ABCC5: variants seen among roughly 807,000 people sequenced by gnomAD.
ABCC5 encodes ATP-binding cassette sub-family C member 5.
A neutral mutation model predicts 160.9 loss-of-function variants in ABCC5; 61 were observed. That is an observed-to-expected ratio of 0.38 (90% CI 0.31 to 0.47). The LOEUF (loss-of-function observed/expected upper bound fraction) is 0.47, where lower values mean the gene tolerates loss of function less well. ABCC5 is among the 20% of genes least tolerant of loss of function. The probability of loss-of-function intolerance (pLI) is 0.99; values close to 1 mark genes in which losing one functional copy is unlikely to be tolerated. For synonymous variants in ABCC5, 666 were observed against 700.6 expected, an observed-to-expected ratio of 0.95 and a Z score of 0.78; for missense variants, 1,308 against 1,813.3, an observed-to-expected ratio of 0.72 and a Z score of 5.06.
chr3:184,009,473 C>A (rs909521317), intron 2 of ABCC5, among the ~76,000 whole-genome samples: 4 of 152,124 alleles, frequency 2.6e-5, no homozygotes, highest in African/African-American at 9.7e-5. Context: ...TTCTGCTTCC[C>A]AACTACTTAC....
intron 26 of ABCC5, among the ~76,000 whole-genome samples, chr3:183,931,637 G>A (rs1471917977): frequency 1.3e-5 from 2 of 152,100 alleles, no homozygotes; most frequent in East Asian, 3.8e-4. Context: ...CCCAGCCCAG[G>A]CTTAACATTC....
At chr3:183,944,066 C>G (rs554936561) in intron 24 of ABCC5, among the ~76,000 whole-genome samples, 2 of 152,314 alleles carry the variant, frequency 1.3e-5, no homozygotes, top group East Asian at 3.9e-4. Flanking sequence ...ATTAGAGAAT[C>G]CAGTTTACGT....
Position 184,010,798 on chromosome 3 carries a change from C to CT in ABCC5, c.129+3465dup, listed in dbSNP as rs55882083. 4.2e-3 allele frequency among the ~76,000 whole-genome samples: 573 copies of CT among 136,598 alleles called. 16 individuals are homozygous for CT. Among genetic ancestry groups the CT allele is most frequent in the African/African-American group, 9.0e-3 (330 of 36,776 alleles). The allele number at this position is 136,598 out of a possible 152,430, so 89.6% of individuals were successfully genotyped here. On this transcript the variant is annotated intron_variant, in intron 2 of 29. Coordinates refer to ENST00000334444, the MANE Select transcript of ABCC5 (RefSeq NM_005688.4). ...CTTCAAAATCAAAATCATTCTTCTTCTTTTTTTTTTTTTTTTGGAGATGGA... is the reference window on the plus strand; with the variant it reads ...CTTCAAAATCAAAATCATTCTTCTTCTTTTTTTTTTTTTTTTTGGAGATGGA...
intron 29 of ABCC5, among the ~76,000 whole-genome samples, chr3:183,923,996 A>G (rs1259851608): frequency 4.1e-5 from 4 of 98,748 alleles, no homozygotes; most frequent in Non-Finnish European, 8.0e-5. Flanking sequence ...AATCCCACCA[A>G]TTTTTACTGT....
At chr3:183,939,217 G>A (rs1475868565) in intron 25 of ABCC5, among the ~76,000 whole-genome samples, 2 of 152,214 alleles carry the variant, frequency 1.3e-5, no homozygotes, top group Non-Finnish European at 2.9e-5. Context: ...CAGATCACCT[G>A]AGGTCAGGAG....
At chr3:183,938,741 G>C (rs1295100656) in intron 25 of ABCC5, among the ~76,000 whole-genome samples, 1 of 152,224 alleles carries the variant, frequency 6.6e-6, no homozygotes, top group African/African-American at 2.4e-5. Flanking sequence ...CAGAGGACAA[G>C]ATGTCTTTTT....
chr3:183,942,056 T>TC (rs1714407916), intron 25 of ABCC5, among the ~76,000 whole-genome samples: 1 of 152,170 alleles, frequency 6.6e-6, no homozygotes, highest in Admixed American at 6.5e-5. Flanking sequence ...TCTTTTTTTT[T>TC]TGAGACGGAG....
chr3:183,953,653 G>A (rs1715596981), intron 17 of ABCC5, among the ~76,000 whole-genome samples: 1 of 152,178 alleles, frequency 6.6e-6, no homozygotes, highest in South Asian at 2.1e-4. Context: ...GACCTATTTG[G>A]CTTAGGTGTG....
chr3:183,987,730 G>A lies in ABCC5; in HGVS notation c.591+40C>T, dbSNP rs560388688. On this transcript the variant is annotated intron_variant, in intron 5 of 29. Transcript: ENST00000334444. The surrounding 1 kb of genome is among the most constrained non-coding windows in gnomAD (Gnocchi z 4.2). ...AAGAGTGTTAGAGCTGGCCGTGGCC[G>A]GGCCCCTGGAGACTGTCGGAAAGGA... 145 of 1,613,704 alleles carry A rather than the reference G, an allele frequency of 9.0e-5. 3 individuals carry two copies. In the South Asian group the frequency reaches 1.5e-3, roughly 16 times the overall value.
chr3:183,957,325 C>T (rs1716161481), intron 17 of ABCC5, among the ~76,000 whole-genome samples: 1 of 114,186 alleles, frequency 8.8e-6, no homozygotes, highest in Non-Finnish European at 1.9e-5. Context: ...ACATCGGTTA[C>T]ATGCGGGTCC....
intron 2 of ABCC5, among the ~76,000 whole-genome samples, chr3:184,012,193 T>G (rs374887601): frequency 2.0e-5 from 3 of 152,184 alleles, no homozygotes; most frequent in Non-Finnish European, 2.9e-5. Context: ...ATCTCTATAT[T>G]ATTTTTTATA....
Position 183,965,225 on chromosome 3 carries a change from C to T in ABCC5, c.1991G>A (p.Arg664Lys). ...GCTGGGAAGAATGGCCAGGTCAGGC[C>T]TCAGGCAGCAGCTGTTCAGCACAGA... ...YNSVLNSCCL[R>K]PDLAILPSSD... The change falls in exon 14 of 30, where the codon AGG (arginine) becomes AAG (lysine). Residue 664 changes from arginine to lysine, a missense_variant. Coordinates refer to ENST00000334444, the MANE Select transcript of ABCC5 (RefSeq NM_005688.4). The T allele has an allele frequency of 1.9e-6, 3 of 1,614,198 alleles. No homozygotes were observed. Among genetic ancestry groups the T allele is most frequent in the Non-Finnish European group, 2.5e-6 (3 of 1,180,034 alleles).
At chr3:183,998,047 G>A (rs971820141) in intron 2 of ABCC5, among the ~76,000 whole-genome samples, 8 of 151,964 alleles carry the variant, frequency 5.3e-5, no homozygotes, top group African/African-American at 1.2e-4. Flanking sequence ...TCTTGGCTTC[G>A]GAAAGTGCTG....
In ABCC5 at chr3:183,988,174, T is replaced by C. The variant is rs1456112404; in HGVS notation, c.444-257A>G. On this transcript the variant is annotated intron_variant, in intron 4 of 29. Coordinates refer to ENST00000334444, the MANE Select transcript of ABCC5 (RefSeq NM_005688.4). This position sits in a 1 kb window ranked among gnomAD's most constrained non-coding sequence, Gnocchi z 4.4. ...CCTTTCTTTCCACCCAGGAAAATGA[T>C]CCCTGAATGCAATTTGTGAATAAGA... 6.6e-6 allele frequency among the ~76,000 whole-genome samples: 1 copy of C among 152,210 alleles called. No individual in the cohort carries two copies. The highest frequency in any genetic ancestry group is 1.5e-5 in the Non-Finnish European group (1 of 68,030).
At chr3:183,970,375 A>C (rs888689107) in intron 11 of ABCC5, among the ~76,000 whole-genome samples, 9 of 151,284 alleles carry the variant, frequency 5.9e-5, no homozygotes, top group Non-Finnish European at 1.2e-4. Context: ...GCATTCCCTC[A>C]GGCAGCCTAT....
At chr3:183,945,738 TTAGA>T (rs1714778816) in intron 24 of ABCC5, 108 bp downstream of exon 24, 2 of 804,460 alleles carry the variant, frequency 2.5e-6, no homozygotes, top group Admixed American at 3.5e-5. Flanking sequence ...TTCTGTGGGA[TTAGA>T]TAGGCAGAGA....
At chr3:183,953,365 G>T in intron 17 of ABCC5, 95 bp from the exon 18 acceptor site, 1 of 1,101,368 alleles carries the variant, frequency 9.1e-7, no homozygotes. Context: ...ACAACCGGCA[G>T]CTTCACAGGG....
intron 29 of ABCC5, 88 bp downstream of exon 29, chr3:183,925,466 AC>A: frequency 1.4e-6 from 2 of 1,420,228 alleles, no homozygotes; most frequent in South Asian, 2.6e-5. Flanking sequence ...AATGCCCAGA[AC>A]CCTACAAAGA....
At chr3:183,965,302 A>G (rs1323331412) in intron 13 of ABCC5, 45 bp from the exon 14 acceptor site, 2 of 1,613,978 alleles carry the variant, frequency 1.2e-6, no homozygotes, top group African/African-American at 2.7e-5. Context: ...GCGGGAGCAG[A>G]GCCTGCTGAC....
Sources: gnomAD v4.1 joint callset for allele counts (sites outside exome capture counted in the v4.1 genomes callset) on GRCh38, gnomAD v4.1.1 for gene constraint, Gnocchi (gnomAD v3.1) non-coding constraint, MANE v1.5 for transcripts, NCBI Gene and HGNC (gene_info 2026-07-23, HGNC 2026-07-21) for gene names.